Variants in NIBAN3 observed in about 807,000 individuals in gnomAD.
NIBAN3 encodes niban apoptosis regulator 3.
NIBAN3 carries 66 observed loss-of-function variants against 76.4 expected under a neutral mutation model. The observed-to-expected ratio is 0.86, with a 90% CI of 0.71 to 1.06. The LOEUF is 1.06. Among genes scored for constraint, NIBAN3 ranks in the 50% least tolerant of loss-of-function variants. The pLI is 0.00. For missense variants in NIBAN3, 808 were observed against 810.7 expected (o/e 1.00, Z 0.04); for synonymous variants, 360 against 355.2 (o/e 1.01, Z -0.15).
intron 5 of NIBAN3, among the ~76,000 whole-genome samples, chr19:17,537,813 G>A (rs2075852114): frequency 1.3e-5 from 2 of 152,124 alleles, no homozygotes; most frequent in South Asian, 4.1e-4. Flanking sequence ...GGGCATGGTG[G>A]AAGGCACCTG....
chr19:17,524,361 C>G (rs1440991121), upstream of NIBAN3, among the ~76,000 whole-genome samples: 1 of 152,164 alleles, frequency 6.6e-6, no homozygotes, highest in African/African-American at 2.4e-5. Context: ...TTTCAGCTCA[C>G]TGCAACCTCC....
In NIBAN3 at chr19:17,542,702, G is replaced by T. The variant is rs1348857074; in HGVS notation, c.1329+408G>T. 6.6e-6 allele frequency among the ~76,000 whole-genome samples: 1 copy of T among 152,194 alleles called. No individual in the cohort carries two copies. The highest frequency in any genetic ancestry group is 6.5e-5 in the Admixed American group (1 of 15,268). On this transcript the variant is annotated intron_variant, in intron 10 of 14. Coordinates refer to ENST00000599164, the MANE Select transcript of NIBAN3 (RefSeq NM_001321827.2). The surrounding 1 kb of genome is among the most constrained non-coding windows in gnomAD (Gnocchi z 4.8). Reference sequence around the variant, plus strand: ...GGACGGGCAGATCGCGCAGTGCCTTGAGCGTGGGGCTAAGGGGTGAGCTCT... The same window carrying T: ...GGACGGGCAGATCGCGCAGTGCCTTTAGCGTGGGGCTAAGGGGTGAGCTCT...
At chr19:17,554,175 G>T (rs1347414354), downstream of NIBAN3, among the ~76,000 whole-genome samples, 2 of 151,584 alleles carry the variant, frequency 1.3e-5, no homozygotes, top group Admixed American at 1.3e-4. Flanking sequence ...CACCTGGCCT[G>T]TATCATTCTT....
chr19:17,527,135 C>A, upstream of NIBAN3: 3 of 1,344,320 alleles, frequency 2.2e-6, no homozygotes, highest in Admixed American at 2.4e-5. Flanking sequence ...GCTGTCCCCG[C>A]AGCCTCTACA....
chr19:17,540,673 A>G, intron 9 of NIBAN3, 91 bp downstream of exon 9: 1 of 1,057,556 alleles, frequency 9.5e-7, no homozygotes, highest in South Asian at 2.1e-5. Context: ...AATTTGTTCT[A>G]GGCTGCTTTT....
chr19:17,525,140 G>C (rs866180129), upstream of NIBAN3, among the ~76,000 whole-genome samples: 1 of 152,164 alleles, frequency 6.6e-6, no homozygotes, highest in African/African-American at 2.4e-5. Flanking sequence ...CCTTCCTCCA[G>C]CCTGGAGCCC....
rs540374834 is a variant in NIBAN3 at position 17,537,342 on chromosome 19, C to T, written c.428-34C>T. 58 of 1,601,364 alleles carry T rather than the reference C, an allele frequency of 3.6e-5. No individual in the cohort carries two copies. The East Asian group carries it at 4.3e-4, about 12-fold the overall frequency. ...GGGGTATTTTCTCCTAGTGAATGAA[C>T]GTCTAGAAGATGCGACCTCCTGTTT... On this transcript the variant is annotated intron_variant, in intron 4 of 14. Coordinates refer to ENST00000599164, the MANE Select transcript of NIBAN3 (RefSeq NM_001321827.2).
chr19:17,525,635 T>G (rs912726551), upstream of NIBAN3, among the ~76,000 whole-genome samples: 1 of 150,778 alleles, frequency 6.6e-6, no homozygotes. Flanking sequence ...ACCGCGGGGG[T>G]CAGAGGGACA....
intron 12 of NIBAN3, among the ~76,000 whole-genome samples, chr19:17,544,983 T>A (rs915044440): frequency 5.3e-5 from 8 of 151,830 alleles, no homozygotes; most frequent in African/African-American, 1.9e-4. Flanking sequence ...TTTGGGATAG[T>A]GAGACCCCAC....
intron 1 of NIBAN3, 53 bp downstream of exon 1, chr19:17,527,448 G>C: frequency 6.8e-7 from 1 of 1,466,410 alleles, no homozygotes; most frequent in Non-Finnish European, 9.1e-7. Context: ...GGGGGCTCCA[G>C]CCATTGGGTC....
chr19:17,532,494 A>G, intron 3 of NIBAN3, 106 bp downstream of exon 3: 1 of 1,536,314 alleles, frequency 6.5e-7, no homozygotes, highest in Non-Finnish European at 9.0e-7. Flanking sequence ...CACCTCTATC[A>G]ATCACCCAGG....
Position 17,543,667 on chromosome 19 carries a change from G to A in NIBAN3, c.1554+36G>A, listed in dbSNP as rs1319878206. On this transcript the variant is annotated intron_variant, in intron 12 of 14. Coordinates refer to ENST00000599164, the MANE Select transcript of NIBAN3 (RefSeq NM_001321827.2). The stretch of plus-strand genomic sequence containing the variant: ...GGGAAGTGTGCAAGAGGGTCTGACA[G>A]CATCACCATGCATCCACTTAAAGTG... 6 of 1,513,180 alleles carry A rather than the reference G, an allele frequency of 4.0e-6. No homozygotes were observed. The East Asian group carries it at 1.4e-4, about 35-fold the overall frequency. The allele number at this position is 1,513,180 out of a possible 1,614,324, so 93.7% of individuals were successfully genotyped here.
chr19:17,524,158 T>C (rs2075583265), upstream of NIBAN3, among the ~76,000 whole-genome samples: 1 of 152,034 alleles, frequency 6.6e-6, no homozygotes, highest in African/African-American at 2.4e-5. Flanking sequence ...CCCAAAGTGC[T>C]GGGATTACAG....
chr19:17,537,262 A>G (rs2075840905), intron 4 of NIBAN3, 114 bp from the exon 5 acceptor site: 8 of 1,051,738 alleles, frequency 7.6e-6, no homozygotes, highest in Non-Finnish European at 9.9e-6. Context: ...GTATCGTGGT[A>G]TGACTCATAT....
At chr19:17,523,478 G>T, upstream of NIBAN3, 2 of 1,558,430 alleles carry the variant, frequency 1.3e-6, no homozygotes, top group Non-Finnish European at 1.7e-6. Context: ...ACAGCAAAGA[G>T]AGCTGAGCGG....
At position 17,532,333 on chromosome 19, in the gene NIBAN3, C is replaced by G. The variant is rs758123142; in HGVS notation, c.257C>G (p.Pro86Arg). The G allele has an allele frequency of 6.2e-7, 1 of 1,614,032 alleles. No homozygotes were observed. Among genetic ancestry groups the G allele is most frequent in the Non-Finnish European group, 8.5e-7 (1 of 1,180,018 alleles). Residue 86 changes from proline to arginine, a missense_variant, in exon 3 of 15, where the codon CCG (proline) becomes CGG (arginine). Coordinates refer to ENST00000599164, the MANE Select transcript of NIBAN3 (RefSeq NM_001321827.2). ...CGGGGCCACCCACCCCGGTGGCAGC[C>G]GATCTTCTGTGTTCTGCGTGGGGAC... ...QLRGHPPRWQ[P>R]IFCVLRGDGR... is the part of the protein sequence containing the mutation.
At chr19:17,533,125 T>C (rs1418871770) in intron 3 of NIBAN3, among the ~76,000 whole-genome samples, 1 of 151,904 alleles carries the variant, frequency 6.6e-6, no homozygotes, top group Non-Finnish European at 1.5e-5. Flanking sequence ...ATACAAAACC[T>C]AGGGCCAGGC....
rs35489460 is a variant in NIBAN3 at position 17,531,326 on chromosome 19, A to AACACAC, written c.186+483_186+488dup. Among the ~76,000 whole-genome samples the AACACAC allele has an allele frequency of 2.7e-3, 349 of 129,094 alleles. 5 individuals carry two copies. Among genetic ancestry groups the AACACAC allele is most frequent in the Admixed American group, 0.014 (168 of 12,244 alleles). The allele number at this position is 129,094 out of a possible 152,430, so 84.7% of individuals were successfully genotyped here. On this transcript the variant is annotated intron_variant, in intron 2 of 14. Transcript: ENST00000599164. ...TAGGCAACAGAGCTAGACTCTGTCAAACACACACACACACACACACACACA... is the reference window on the plus strand; with the variant it reads ...TAGGCAACAGAGCTAGACTCTGTCAAACACACACACACACACACACACACACACACA...
chr19:17,527,298 G>A lies in NIBAN3; in HGVS notation c.-43G>A. 1 of 1,550,766 alleles carries A rather than the reference G, an allele frequency of 6.4e-7. No individual in the cohort carries two copies. On this transcript the variant is annotated 5_prime_UTR_variant, in exon 1 of 15. Coordinates refer to ENST00000599164, the MANE Select transcript of NIBAN3 (RefSeq NM_001321827.2). ...CCCTGAGCCGAGGAACGCAGGCGGTGGTCGTGGGGAAGGGAAGAGGAGCCC... is the reference window on the plus strand; with the variant it reads ...CCCTGAGCCGAGGAACGCAGGCGGTAGTCGTGGGGAAGGGAAGAGGAGCCC...
Sources: allele counts gnomAD v4.1 joint callset (sites outside exome capture counted in the v4.1 genomes callset), GRCh38; gene constraint gnomAD v4.1.1; non-coding constraint Gnocchi (gnomAD v3.1); transcripts MANE v1.5; gene names NCBI Gene and HGNC (gene_info 2026-07-23, HGNC 2026-07-21).